CAST: variants seen among roughly 807,000 people sequenced by gnomAD.
The protein encoded by CAST is MIR583 host.
Under a neutral mutation model 119.6 loss-of-function variants are expected in CAST, and 76 were observed. The observed-to-expected ratio is 0.64, with a 90% CI of 0.53 to 0.77. The LOEUF is 0.77. Ranked by LOEUF, CAST falls within the 30% of genes least tolerant of loss-of-function variation. The pLI is 0.00. For missense variants in CAST, 953 were observed against 946.5 expected (o/e 1.01, Z -0.09); for synonymous variants, 319 against 331.6 (o/e 0.96, Z 0.41).
chr5:96,102,912 C>T, the CAST span, among the ~76,000 whole-genome samples: 1 of 152,012 alleles, frequency 6.6e-6, no homozygotes, highest in Non-Finnish European at 1.5e-5. Flanking sequence ...AGAGGCTGCT[C>T]TTTTTGCAGT....
the CAST span, among the ~76,000 whole-genome samples, chr5:95,992,614 A>G: frequency 6.6e-6 from 1 of 152,204 alleles, no homozygotes; most frequent in East Asian, 1.9e-4. Flanking sequence ...GTGATATTCT[A>G]GATTAGATCT....
At chr5:96,040,057 G>A in the CAST span, among the ~76,000 whole-genome samples, 2 of 152,126 alleles carry the variant, frequency 1.3e-5, no homozygotes, top group Non-Finnish European at 2.9e-5. Flanking sequence ...TTGAGTAGTG[G>A]TTTGTAGTTC....
At chr5:96,534,996 C>T (rs62365724) in intron 1 of CAST, among the ~76,000 whole-genome samples, 92,673 of 150,768 alleles carry the variant, frequency 0.61, 28,908 homozygotes, top group East Asian at 0.86. Context: ...ATTGGCTCTT[C>T]AGGGAACAAT....
chr5:96,076,347 A>G, the CAST span, among the ~76,000 whole-genome samples: 1 of 152,202 alleles, frequency 6.6e-6, no homozygotes, highest in Non-Finnish European at 1.5e-5. Context: ...TTTAGTAAAA[A>G]CACACATTCC....
chr5:96,668,640 C>T (rs114632540), intron 1 of CAST, among the ~76,000 whole-genome samples: 3,646 of 152,228 alleles, frequency 0.024, 67 homozygotes, highest in Middle Eastern at 0.041. Context: ...CCCTATTTTA[C>T]AAAAAGAAAC....
intron 1 of CAST, among the ~76,000 whole-genome samples, chr5:96,670,508 CT>C (rs897811622): frequency 1.3e-5 from 2 of 150,600 alleles, no homozygotes; most frequent in Non-Finnish European, 3.0e-5. Flanking sequence ...ATTTTTTTTT[CT>C]TTTTTTTGTG....
chr5:96,756,845 T>C (rs1267524895), intron 22 of CAST, among the ~76,000 whole-genome samples: 1 of 152,248 alleles, frequency 6.6e-6, no homozygotes, highest in East Asian at 1.9e-4. Flanking sequence ...TTTGTCGTGT[T>C]ACTCAAATGT....
Position 96,765,338 on chromosome 5 carries a change from A to G in CAST, c.2037+13A>G, listed in dbSNP as rs748239469. 2.1e-5 allele frequency: 22 copies of G among 1,037,184 alleles called. No individual in the cohort carries two copies. In the South Asian group the frequency reaches 2.5e-4, roughly 12 times the overall value. 64.2% of individuals were successfully genotyped at this position (1,037,184 alleles called of 1,614,324 possible). A position where few individuals can be genotyped will look rare whatever the true frequency, so the allele number is the denominator to read the frequency against. ...AGATAAAGTAAAGGTAAAAAAAAAA[A>G]AAAAAAAAAAAAAAATTCACTAATA... On this transcript the variant is annotated intron_variant, in intron 26 of 31. Transcript: ENST00000675179.
the CAST span, among the ~76,000 whole-genome samples, chr5:96,013,026 A>G: frequency 6.6e-6 from 1 of 152,148 alleles, no homozygotes; most frequent in Non-Finnish European, 1.5e-5. Context: ...GTTTCAGCTG[A>G]GCTGTAGGTC....
intron 3 of CAST, among the ~76,000 whole-genome samples, chr5:96,700,496 T>C (rs1581018130): frequency 6.6e-6 from 1 of 152,306 alleles, no homozygotes; most frequent in Non-Finnish European, 1.5e-5. Flanking sequence ...TTTATTAAAA[T>C]GAAGATTCTG....
intron 1 of CAST, among the ~76,000 whole-genome samples, chr5:96,616,003 A>C (rs1747449111): frequency 6.6e-6 from 1 of 152,282 alleles, no homozygotes; most frequent in Admixed American, 6.5e-5. Flanking sequence ...GATGTAGGCT[A>C]GGAGGCTAGG....
chr5:96,436,944 A>G, the CAST span, among the ~76,000 whole-genome samples: 1 of 152,210 alleles, frequency 6.6e-6, no homozygotes, highest in African/African-American at 2.4e-5. Flanking sequence ...ATCCACAGAC[A>G]CTTTTCACAT....
chr5:96,748,451 T>C, intron 18 of CAST, 67 bp from the exon 19 acceptor site: 1 of 773,760 alleles, frequency 1.3e-6, no homozygotes. Flanking sequence ...AATTGCTCCA[T>C]GAAAACTTTT....
the CAST span, among the ~76,000 whole-genome samples, chr5:96,273,585 T>C: frequency 6.6e-6 from 1 of 152,218 alleles, no homozygotes; most frequent in Non-Finnish European, 1.5e-5. Context: ...TAGTTGGTTA[T>C]ATATTGCTGA....
the CAST span, among the ~76,000 whole-genome samples, chr5:96,509,995 A>AT: frequency 2.6e-5 from 4 of 151,962 alleles, no homozygotes; most frequent in South Asian, 2.1e-4. Context: ...AACGTTGTGG[A>AT]TTTTTTTTTA....
chr5:96,752,699 C>T (rs1001170647), intron 20 of CAST, among the ~76,000 whole-genome samples: 1 of 147,914 alleles, frequency 6.8e-6, no homozygotes, highest in Admixed American at 6.9e-5. Context: ...ATCAGAAAAA[C>T]AGCTTTTCTT....
At chr5:96,547,850 C>T (rs1182920966) in intron 1 of CAST, among the ~76,000 whole-genome samples, 2 of 152,106 alleles carry the variant, frequency 1.3e-5, no homozygotes, top group Non-Finnish European at 2.9e-5. Context: ...AGGTGGGGTA[C>T]AGTATTGCTT....
chr5:96,534,785 GAA>G (rs1205820184), intron 1 of CAST, among the ~76,000 whole-genome samples: 1 of 110,258 alleles, frequency 9.1e-6, no homozygotes, highest in Admixed American at 9.6e-5. Flanking sequence ...AAGAAAGAAA[GAA>G]AGAAAGAAAG....
At chr5:96,394,266 G>A in the CAST span, among the ~76,000 whole-genome samples, 1 of 152,216 alleles carries the variant, frequency 6.6e-6, no homozygotes, top group Non-Finnish European at 1.5e-5. Flanking sequence ...CCATCTGATA[G>A]AAGGAAGCCA....
Sources: allele counts gnomAD v4.1 joint callset (sites outside exome capture counted in the v4.1 genomes callset), GRCh38; gene constraint gnomAD v4.1.1; transcripts MANE v1.5; gene names NCBI Gene and HGNC (gene_info 2026-07-23, HGNC 2026-07-21).